USP30: variants seen among roughly 807,000 people sequenced by gnomAD.
USP30 encodes the protein ubiquitin specific peptidase 30.
A neutral mutation model predicts 68.2 loss-of-function variants in USP30; 41 were observed. The observed-to-expected ratio is 0.60, with a 90% confidence interval of 0.47 to 0.78. USP30 has a LOEUF of 0.78. Among genes scored for constraint, USP30 ranks in the 30% least tolerant of loss-of-function variants. USP30 has a pLI of 0.00. For synonymous variants in USP30, 229 were observed against 253.7 expected (o/e 0.90, Z 0.93); for missense variants, 522 against 649.4 (o/e 0.80, Z 2.13).
chr12:109,033,015 T>C (rs1375387997), intron 3 of USP30, among the ~76,000 whole-genome samples: 1 of 152,136 alleles, frequency 6.6e-6, no homozygotes, highest in African/African-American at 2.4e-5. Context: ...GTACAAGCAG[T>C]CCCCCAATCA....
chr12:109,029,098 G>A (rs895003651), intron 3 of USP30, among the ~76,000 whole-genome samples: 2 of 152,204 alleles, frequency 1.3e-5, no homozygotes, highest in African/African-American at 4.8e-5. Context: ...TCTAAGAGAA[G>A]CTTCTGATTG....
At chr12:109,071,445 C>T (rs12809163) in intron 4 of USP30, among the ~76,000 whole-genome samples, 167 bp from the exon 5 acceptor site, 5,185 of 152,250 alleles carry the variant, frequency 0.034, 203 homozygotes, top group African/African-American at 0.091. Context: ...GGTCTTCACT[C>T]GTGACAGTGT....
At chr12:109,068,025 C>T (rs149823257) in intron 4 of USP30, among the ~76,000 whole-genome samples, 147 of 152,232 alleles carry the variant, frequency 9.7e-4, no homozygotes, top group African/African-American at 3.3e-3. Flanking sequence ...AATCAATCTT[C>T]GGAGCTTTGC....
chr12:109,034,203 C>T (rs954535567), intron 3 of USP30, among the ~76,000 whole-genome samples: 14 of 152,134 alleles, frequency 9.2e-5, no homozygotes, highest in African/African-American at 3.1e-4. Flanking sequence ...TTTCTAATTT[C>T]CCTTGTTAAT....
chr12:109,085,034 C>T lies in USP30; in HGVS notation c.1250C>T (p.Ala417Val), dbSNP rs368189874. ...CSPSLLPTLS[A>V]PMPFPLPVVP... The stretch of plus-strand genomic sequence containing the variant: ...CCATCTTTATTGCCAACGCTGTCAG[C>T]GCCGATGCCCTTCCCTCTCCCAGTT... Residue 417 changes from alanine (A) to valine (V), a missense_variant, in exon 12 of 13, where the codon GCG becomes GTG. Physicochemically the swap from Ala to Val is moderately conservative, Grantham distance 64 (BLOSUM62 0). Coordinates refer to ENST00000257548, the MANE Select transcript of USP30 (RefSeq NM_032663.5). The T allele has an allele frequency of 2.7e-5, 44 of 1,603,084 alleles. No individual in the cohort carries two copies. The Middle Eastern group carries it at 5.0e-4, about 18-fold the overall frequency.
chr12:109,057,495 T>A, intron 2 of USP30, among the ~76,000 whole-genome samples: 1 of 152,214 alleles, frequency 6.6e-6, no homozygotes, highest in Non-Finnish European at 1.5e-5. Flanking sequence ...ATTGTTAAGA[T>A]AAGAACAGAA....
At chr12:109,060,507 T>C (rs2041028971) in intron 3 of USP30, among the ~76,000 whole-genome samples, 1 of 152,202 alleles carries the variant, frequency 6.6e-6, no homozygotes, top group African/African-American at 2.4e-5. Context: ...TTTCTTTTAC[T>C]ATCCTGTTTT....
chr12:109,078,434 A>G (rs2041679305), intron 7 of USP30, among the ~76,000 whole-genome samples: 1 of 151,824 alleles, frequency 6.6e-6, no homozygotes, highest in Non-Finnish European at 1.5e-5. Flanking sequence ...AAAAAAAAAA[A>G]AAAATAGCTG....
chr12:109,051,698 T>A (rs1399447462), upstream of USP30, among the ~76,000 whole-genome samples: 2 of 150,854 alleles, frequency 1.3e-5, no homozygotes, highest in African/African-American at 4.9e-5. Context: ...GCCTCCTGAG[T>A]AGCTGGAATT....
chr12:109,055,481 T>C (rs1217656614), intron 1 of USP30, among the ~76,000 whole-genome samples: 5 of 139,440 alleles, frequency 3.6e-5, no homozygotes, highest in African/African-American at 1.3e-4. Flanking sequence ...GGGCTCACTG[T>C]AACCTCCGCC....
rs115531767 is a variant in USP30, at chr12:109,080,593, A to G, written c.721-741A>G. On this transcript the variant is annotated intron_variant, in intron 7 of 12. Transcript: ENST00000257548. ...TCCACATGATCATATGTTCTTCTAC[A>G]TTTTGTTTAACATAGTGTTTCATTC... is the stretch of plus-strand genomic sequence containing the variant. Among the ~76,000 whole-genome samples the G allele has an allele frequency of 4.2e-3, 635 of 152,264 alleles. 7 individuals are homozygous for G. The highest frequency in any genetic ancestry group is 0.015 in the African/African-American group (605 of 41,548).
chr12:109,062,502 G>A (rs1403747742), intron 3 of USP30, among the ~76,000 whole-genome samples: 2 of 151,580 alleles, frequency 1.3e-5, no homozygotes, highest in East Asian at 3.9e-4. Context: ...TAATATTTTT[G>A]TATTTTTAGT....
At chr12:109,043,134 T>C (rs2040576139) in intron 3 of USP30, among the ~76,000 whole-genome samples, 3 of 152,162 alleles carry the variant, frequency 2.0e-5, no homozygotes, top group African/African-American at 7.2e-5. Context: ...AGTCCATGGA[T>C]TGGAAGAATT....
intron 8 of USP30, 80 bp downstream of exon 8, chr12:109,081,473 G>A (rs1033962745): frequency 2.8e-6 from 4 of 1,419,224 alleles, no homozygotes; most frequent in Non-Finnish European, 3.0e-6. Flanking sequence ...ATTTTATGTG[G>A]CTCAGGCACT....
chr12:109,045,701 G>A (rs1445402298), intron 3 of USP30, among the ~76,000 whole-genome samples: 1 of 152,136 alleles, frequency 6.6e-6, no homozygotes, highest in African/African-American at 2.4e-5. Flanking sequence ...CCTAGCATGG[G>A]GTCTTGTCGG....
rs563679509 is a variant in USP30, at chr12:109,070,872, G to A, written c.481-740G>A. Among the ~76,000 whole-genome samples, 1 of 152,190 alleles carries A rather than the reference G, an allele frequency of 6.6e-6. No individual in the cohort carries two copies. Among genetic ancestry groups the A allele is most frequent in the African/African-American group, 2.4e-5 (1 of 41,430 alleles). ...GCAGCATGTTCGCAATAGCCAAGGG[G>A]TAGAAGCAACCCAAGTGTTCATCGG... On this transcript the variant is annotated intron_variant, in intron 4 of 12. Coordinates refer to ENST00000257548, the MANE Select transcript of USP30 (RefSeq NM_032663.5). This position sits in a 1 kb window ranked among gnomAD's most constrained non-coding sequence, Gnocchi z 4.0.
intron 6 of USP30, among the ~76,000 whole-genome samples, chr12:109,073,032 T>G (rs1273496823): frequency 6.6e-6 from 1 of 152,210 alleles, no homozygotes; most frequent in Non-Finnish European, 1.5e-5. Context: ...TAAACCCCAT[T>G]CTAGCCAAAG....
intron 2 of USP30, among the ~76,000 whole-genome samples, chr12:109,057,033 T>C (rs190788900): frequency 9.8e-4 from 150 of 152,306 alleles, no homozygotes; most frequent in African/African-American, 3.5e-3. Flanking sequence ...ATGAAAAATG[T>C]CAAGCGGCAT....
chr12:109,039,731 C>A (rs1022249215), intron 3 of USP30, among the ~76,000 whole-genome samples: 6 of 152,178 alleles, frequency 3.9e-5, no homozygotes, highest in African/African-American at 1.2e-4. Context: ...CTGCCTCAGC[C>A]TCCCAAATAG....
Sources: allele counts gnomAD v4.1 joint callset (sites outside exome capture counted in the v4.1 genomes callset), GRCh38; gene constraint gnomAD v4.1.1; non-coding constraint Gnocchi (gnomAD v3.1); transcripts MANE v1.5; gene names NCBI Gene and HGNC (gene_info 2026-07-23, HGNC 2026-07-21).